The following ACSL3 variants were observed in gnomAD, a reference collection of about 807,000 sequenced individuals.
ACSL3 encodes acyl-CoA synthetase long chain family member 3, also known as fatty acid CoA ligase Acsl3.
A neutral mutation model predicts 84.7 loss-of-function variants in ACSL3; 34 were observed. The observed-to-expected ratio is 0.40, with a 90% CI of 0.31 to 0.53. The LOEUF (loss-of-function observed/expected upper bound fraction) is 0.53, where lower values mean the gene tolerates loss of function less well. ACSL3 is among the 20% of genes least tolerant of loss of function. The probability of loss-of-function intolerance (pLI) is 0.48; values close to 1 mark genes in which losing one functional copy is unlikely to be tolerated. For synonymous variants in ACSL3, 315 were observed against 299.4 expected (o/e 1.05, Z -0.54); for missense variants, 680 against 873.1 (o/e 0.78, Z 2.79).
chr2:222,928,311 T>C (rs1696935299), intron 12 of ACSL3, among the ~76,000 whole-genome samples: 1 of 152,184 alleles, frequency 6.6e-6, no homozygotes. Context: ...TTTGAAATGG[T>C]GATACATTAC....
rs762840933 is a variant in ACSL3 at position 222,933,197 on chromosome 2, A to G, written c.1764A>G (p.Ala588=). 1.2e-6 allele frequency: 2 copies of G among 1,613,862 alleles called. No homozygotes were observed. The highest frequency in any genetic ancestry group is 1.7e-6 in the Non-Finnish European group (2 of 1,179,882). The change falls in exon 15 of 17, where the codon GCA becomes GCG. Residue 588 remains alanine (A), a synonymous_variant. Transcript: ENST00000357430. ...AAAAGGACCTTGTAAAACTACAGGC[A>G]GGGGAATATGTTTCTCTTGGGAAAG... ...DRKKDLVKLQ[A]GEYVSLGKVE...
intron 1 of ACSL3, among the ~76,000 whole-genome samples, chr2:222,868,870 T>C (rs1695220309): frequency 6.6e-6 from 1 of 151,342 alleles, no homozygotes; most frequent in African/African-American, 2.4e-5. Context: ...CTTGGGAGGC[T>C]GAGACAGGAG....
intron 14 of ACSL3, among the ~76,000 whole-genome samples, chr2:222,931,514 AT>A (rs1333298523): frequency 6.6e-6 from 1 of 151,916 alleles, no homozygotes; most frequent in Non-Finnish European, 1.5e-5. Context: ...TCCCATGCCT[AT>A]TTTATATCCC....
chr2:222,922,528 C>T (rs1696766643), intron 8 of ACSL3, among the ~76,000 whole-genome samples, 180 bp from the exon 9 acceptor site: 1 of 149,578 alleles, frequency 6.7e-6, no homozygotes, highest in African/African-American at 2.5e-5. Flanking sequence ...CCATCCCCAG[C>T]ATCTGCCTAT....
At chr2:222,917,044 CAG>C (rs1263285006) in intron 5 of ACSL3, among the ~76,000 whole-genome samples, 2 of 152,122 alleles carry the variant, frequency 1.3e-5, no homozygotes, top group African/African-American at 4.8e-5. Flanking sequence ...TCAGATGAAA[CAG>C]AAAATACACT....
At chr2:222,906,891 A>G (rs1012295189) in intron 3 of ACSL3, among the ~76,000 whole-genome samples, 1 of 152,140 alleles carries the variant, frequency 6.6e-6, no homozygotes, top group African/African-American at 2.4e-5. Context: ...GGGCAGCCTC[A>G]TCATAATTGC....
At chr2:222,887,677 T>C (rs1190898217) in intron 1 of ACSL3, among the ~76,000 whole-genome samples, 153 bp from the exon 2 acceptor site, 2 of 152,194 alleles carry the variant, frequency 1.3e-5, no homozygotes, top group African/African-American at 2.4e-5. Flanking sequence ...TTTTGTTTGC[T>C]AGCGTGATAG....
intron 1 of ACSL3, among the ~76,000 whole-genome samples, chr2:222,865,532 AAGAGGTGT>A (rs971539864): frequency 6.6e-6 from 1 of 152,238 alleles, no homozygotes; most frequent in African/African-American, 2.4e-5. Flanking sequence ...CACCACAGGA[AAGAGGTGT>A]ATGAACAAAT....
intron 13 of ACSL3, 143 bp downstream of exon 13, chr2:222,929,079 A>C: frequency 3.4e-6 from 2 of 592,360 alleles, no homozygotes; most frequent in South Asian, 4.7e-5. Context: ...ATCTCGAACT[A>C]TATGAATGCA....
chr2:222,886,677 TATC>T (rs1238164221), intron 1 of ACSL3, among the ~76,000 whole-genome samples: 1 of 152,264 alleles, frequency 6.6e-6, no homozygotes. Flanking sequence ...ACTTATTCTT[TATC>T]ATCATCATGA....
chr2:222,916,595 C>G (rs547631688), intron 5 of ACSL3, 99 bp downstream of exon 5: 79 of 1,298,074 alleles, frequency 6.1e-5, no homozygotes, highest in Admixed American at 8.3e-5. Flanking sequence ...TAATTTTCAC[C>G]CAGTGTCCAG....
At chr2:222,870,498 T>C (rs1441287580) in intron 1 of ACSL3, among the ~76,000 whole-genome samples, 3 of 152,146 alleles carry the variant, frequency 2.0e-5, no homozygotes, top group Non-Finnish European at 4.4e-5. Context: ...CAAAAGAAAA[T>C]GAGTGCCATG....
Position 222,922,684 on chromosome 2 carries a change from T to A in ACSL3, c.957-24T>A, listed in dbSNP as rs1696772493. ...GCATAGACGACACCTGACTTTTGTT[T>A]CTGACGTCTCCCTTTTCTTTTAGAG... is the stretch of plus-strand genomic sequence containing the variant. On this transcript the variant is annotated intron_variant, in intron 8 of 16. Coordinates refer to ENST00000357430, the MANE Select transcript of ACSL3 (RefSeq NM_004457.5). 21 of 1,613,020 alleles carry A rather than the reference T, an allele frequency of 1.3e-5. No homozygotes were observed. In the East Asian group the frequency reaches 4.7e-4, roughly 36 times the overall value.
chr2:222,935,031 A>G (rs1424239710), intron 16 of ACSL3, among the ~76,000 whole-genome samples: 2 of 152,190 alleles, frequency 1.3e-5, no homozygotes, highest in Non-Finnish European at 2.9e-5. Flanking sequence ...GAAACTTTAT[A>G]CAATGTTAGA....
chr2:222,861,696 T>C (rs1305346857), intron 1 of ACSL3: 1 of 152,348 alleles, frequency 6.6e-6, no homozygotes. Context: ...AACCCTTGTT[T>C]GGCGGGGCGG....
At chr2:222,898,973 G>C (rs1696066314) in intron 2 of ACSL3, among the ~76,000 whole-genome samples, 1 of 152,198 alleles carries the variant, frequency 6.6e-6, no homozygotes, top group South Asian at 2.1e-4. Context: ...AAGTGTGAAT[G>C]AGAAATTATT....
At chr2:222,900,296 T>G (rs1176230104) in intron 2 of ACSL3, among the ~76,000 whole-genome samples, 1 of 152,204 alleles carries the variant, frequency 6.6e-6, no homozygotes, top group Non-Finnish European at 1.5e-5. Flanking sequence ...ATTTTCTTAT[T>G]GGTTTCCTCA....
Position 222,934,633 on chromosome 2 carries a change from A to C in ACSL3, c.1951A>C (p.Ser651Arg), listed in dbSNP as rs1326921560. The C allele has an allele frequency of 1.2e-6, 2 of 1,609,968 alleles. No homozygotes were observed. The highest frequency in any genetic ancestry group is 3.4e-5 in the Admixed American group (2 of 59,516). Residue 651 changes from serine (S) to arginine (R), a missense_variant, in exon 16 of 17, where the codon AGT becomes CGT. Transcript: ENST00000357430. ...LKGTWEELCN[S>R]CEMENEVLKV... ...AGGGACTTGGGAGGAGCTGTGTAACAGTTGTGAAATGGAAAATGAGGTACT... is the reference window on the plus strand; with the variant it reads ...AGGGACTTGGGAGGAGCTGTGTAACCGTTGTGAAATGGAAAATGAGGTACT...
At position 222,893,016 on chromosome 2, in the gene ACSL3, G is replaced by A. The variant is rs148941550; in HGVS notation, c.-148+5128G>A. On this transcript the variant is annotated intron_variant, in intron 2 of 16. Coordinates refer to ENST00000357430, the MANE Select transcript of ACSL3 (RefSeq NM_004457.5). ...TACTTCATTAGAGATAAAATGCTAAGCCATATTATTATTATTGTTATTTGC... is the reference window on the plus strand; with the variant it reads ...TACTTCATTAGAGATAAAATGCTAAACCATATTATTATTATTGTTATTTGC... 1.8e-3 allele frequency among the ~76,000 whole-genome samples: 274 copies of A among 152,220 alleles called. 3 individuals carry two copies. Among genetic ancestry groups the A allele is most frequent in the Non-Finnish European group, 2.5e-3 (169 of 68,012 alleles).
Sources: allele counts gnomAD v4.1 joint callset (sites outside exome capture counted in the v4.1 genomes callset), GRCh38; gene constraint gnomAD v4.1.1; transcripts MANE v1.5; gene names NCBI Gene and HGNC (gene_info 2026-07-23, HGNC 2026-07-21).